NT5C2: variants seen among roughly 807,000 people sequenced by gnomAD.
The protein encoded by NT5C2 is cytosolic purine 5'-nucleotidase.
In NT5C2, 58 loss-of-function variants were observed where a neutral mutation model predicts 76.1. The observed-to-expected ratio is 0.76, with a 90% CI of 0.62 to 0.95. NT5C2 has a LOEUF of 0.95. Ranked by LOEUF, NT5C2 falls within the 40% of genes least tolerant of loss-of-function variation. The pLI, the probability that NT5C2 is intolerant of heterozygous loss-of-function variation, is 0.00. For missense variants in NT5C2, 478 were observed against 690.3 expected (o/e 0.69, Z 3.45); for synonymous variants, 229 against 237.4 (o/e 0.96, Z 0.32).
At chr10:103,128,086 CCTCT>C (rs2077045724) in intron 4 of NT5C2, among the ~76,000 whole-genome samples, 2 of 139,692 alleles carry the variant, frequency 1.4e-5, no homozygotes, top group Admixed American at 7.1e-5. Flanking sequence ...TCTCCCTCTC[CCTCT>C]GTCTCCCTCT....
At chr10:103,135,410 T>C (rs2078986832) in intron 4 of NT5C2, among the ~76,000 whole-genome samples, 1 of 152,334 alleles carries the variant, frequency 6.6e-6, no homozygotes, top group African/African-American at 2.4e-5. Context: ...TCTGCTGCCA[T>C]GTGAGACATG....
chr10:103,187,924 T>C (rs1412151802), intron 1 of NT5C2, among the ~76,000 whole-genome samples: 1 of 152,244 alleles, frequency 6.6e-6, no homozygotes, highest in Non-Finnish European at 1.5e-5. Flanking sequence ...TTCAAAAATT[T>C]CATTTTCTAC....
intron 1 of NT5C2, among the ~76,000 whole-genome samples, chr10:103,188,877 C>T (rs937689853): frequency 3.3e-5 from 5 of 151,930 alleles, no homozygotes; most frequent in African/African-American, 1.2e-4. Context: ...TGTCACATGC[C>T]TGTATTCTCA....
chr10:103,167,923 C>T (rs2086823950), intron 3 of NT5C2, among the ~76,000 whole-genome samples: 1 of 152,058 alleles, frequency 6.6e-6, no homozygotes, highest in African/African-American at 2.4e-5. Context: ...CATAAGCCAC[C>T]GTGCCTGGTC....
intron 6 of NT5C2, among the ~76,000 whole-genome samples, chr10:103,103,374 G>A (rs529397902): frequency 6.6e-6 from 1 of 152,250 alleles, no homozygotes; most frequent in Non-Finnish European, 1.5e-5. Context: ...AAGGTGGAAG[G>A]TAACAGTAAA....
intron 3 of NT5C2, among the ~76,000 whole-genome samples, chr10:103,147,070 T>C (rs1565180027): frequency 6.6e-6 from 1 of 152,248 alleles, no homozygotes; most frequent in Non-Finnish European, 1.5e-5. Flanking sequence ...GAAATTCATT[T>C]TTATTTTATA....
chr10:103,149,508 T>C (rs2133620411), intron 3 of NT5C2, among the ~76,000 whole-genome samples: 1 of 152,264 alleles, frequency 6.6e-6, no homozygotes. Flanking sequence ...ACCAGGACAA[T>C]ACCAGTACTT....
chr10:103,120,813 C>T (rs1160326013), intron 4 of NT5C2, among the ~76,000 whole-genome samples: 1 of 152,142 alleles, frequency 6.6e-6, no homozygotes, highest in Non-Finnish European at 1.5e-5. Context: ...CAACTGAAAG[C>T]AGGAAGCAGG....
chr10:103,155,794 C>A (rs531821100), intron 3 of NT5C2, among the ~76,000 whole-genome samples: 1 of 152,064 alleles, frequency 6.6e-6, no homozygotes, highest in Admixed American at 6.6e-5. Flanking sequence ...AGAGTCTTGG[C>A]GGGGTTAGAA....
chr10:103,133,583 T>G (rs2078641771), intron 4 of NT5C2, among the ~76,000 whole-genome samples: 1 of 152,186 alleles, frequency 6.6e-6, no homozygotes, highest in Non-Finnish European at 1.5e-5. Context: ...TTTTGTAAAC[T>G]GCCCAGTCTC....
intron 3 of NT5C2, among the ~76,000 whole-genome samples, chr10:103,170,995 A>G (rs941726965): frequency 1.7e-4 from 26 of 152,218 alleles, no homozygotes; most frequent in African/African-American, 6.3e-4. Flanking sequence ...AATCTTTTCC[A>G]AATGTTATGT....
rs1007690213 is a variant in NT5C2, at chr10:103,161,399, A to G, written c.101+13459T>C. Among the ~76,000 whole-genome samples, 12 of 152,120 alleles carry G rather than the reference A, an allele frequency of 7.9e-5. No individual in the cohort carries two copies. The South Asian group carries it at 2.5e-3, about 32-fold the overall frequency. ...TGCTATGTTGCCCAGGCTAGTCTCA[A>G]ACTCCTGGTATTATGATGCAATTTG... is the stretch of plus-strand genomic sequence containing the variant. On this transcript the variant is annotated intron_variant, in intron 3 of 18. Coordinates refer to ENST00000404739, the MANE Select transcript of NT5C2 (RefSeq NM_001351169.2).
At position 103,096,085 on chromosome 10, in the gene NT5C2, G is replaced by T. The variant is rs560700745; in HGVS notation, c.772-105C>A. 7.5e-4 allele frequency: 571 copies of T among 764,742 alleles called. 1 individual carries two copies. Among genetic ancestry groups the T allele is most frequent in the Non-Finnish European group, 1.1e-3 (509 of 452,154 alleles). 47.4% of individuals were successfully genotyped at this position (764,742 alleles called of 1,614,324 possible). On this transcript the variant is annotated intron_variant, in intron 11 of 18. Transcript: ENST00000404739. The stretch of plus-strand genomic sequence containing the variant: ...ACAAAACATGTCTTTTTCAACATAG[G>T]ACTCACCACATTCTTGTTTCCTCTA...
At chr10:103,116,681 T>A (rs538355025) in intron 4 of NT5C2, among the ~76,000 whole-genome samples, 12 of 147,798 alleles carry the variant, frequency 8.1e-5, no homozygotes, top group African/African-American at 3.0e-4. Context: ...GCAATCCTCC[T>A]CCTCAGCCTC....
chr10:103,155,880 T>A (rs2083271389), intron 3 of NT5C2, among the ~76,000 whole-genome samples: 1 of 152,162 alleles, frequency 6.6e-6, no homozygotes, highest in Non-Finnish European at 1.5e-5. Flanking sequence ...AAAAATGAAT[T>A]TGGCCAGGTG....
intron 4 of NT5C2, among the ~76,000 whole-genome samples, chr10:103,127,628 T>A (rs1189970289): frequency 6.6e-6 from 1 of 152,218 alleles, no homozygotes; most frequent in East Asian, 1.9e-4. Flanking sequence ...ATTTCTCTTT[T>A]AACAAACTAC....
intron 3 of NT5C2, among the ~76,000 whole-genome samples, chr10:103,141,767 C>T (rs950035258): frequency 3.3e-5 from 5 of 152,176 alleles, no homozygotes; most frequent in African/African-American, 1.2e-4. Context: ...CTGTCTATTA[C>T]ACCCAGATAC....
In NT5C2 at chr10:103,139,450, T is replaced by C. The variant is rs754768761; in HGVS notation, c.131A>G (p.Glu44Gly). The change falls in exon 4 of 19, where the codon GAA becomes GGA. Residue 44 changes from glutamate (E) to glycine (G), a missense_variant. Transcript: ENST00000404739. ...RVFVNRSLAMEKIKCFGFDMD... is the reference protein window; with the variant it reads ...RVFVNRSLAMGKIKCFGFDMD... ...ATCAAAACCAAAACACTTTATCTTT[T>C]CCATTGCTAAACTTCGGTTCACAAA... The C allele has an allele frequency of 1.5e-5, 23 of 1,580,650 alleles. No homozygotes were observed. The South Asian group carries it at 2.6e-4, about 18-fold the overall frequency.
chr10:103,139,120 A>T (rs2079902247), intron 4 of NT5C2, among the ~76,000 whole-genome samples: 1 of 152,220 alleles, frequency 6.6e-6, no homozygotes, highest in East Asian at 1.9e-4. Flanking sequence ...AAATGCCCAA[A>T]TATACCTATC....
Sources: allele counts gnomAD v4.1 joint callset (sites outside exome capture counted in the v4.1 genomes callset), GRCh38; gene constraint gnomAD v4.1.1; transcripts MANE v1.5; gene names NCBI Gene and HGNC (gene_info 2026-07-23, HGNC 2026-07-21).